The following TTC27 variants were observed in gnomAD, a reference collection of about 807,000 sequenced individuals.
The protein encoded by TTC27 is tetratricopeptide repeat protein 27.
TTC27 carries 79 observed loss-of-function variants against 115.9 expected under a neutral mutation model. That is an observed-to-expected ratio of 0.68 (90% CI 0.57 to 0.82). TTC27 has a LOEUF of 0.82. Among genes scored for constraint, TTC27 ranks in the 40% least tolerant of loss-of-function variants. The pLI, the probability that TTC27 is intolerant of heterozygous loss-of-function variation, is 0.00. For missense variants in TTC27, 1,054 were observed against 993.1 expected, an observed-to-expected ratio of 1.06 and a Z score of -0.82; for synonymous variants, 401 against 356.0, an observed-to-expected ratio of 1.13 and a Z score of -1.42.
At chr2:32,767,456 T>TG (rs1011359272) in intron 13 of TTC27, among the ~76,000 whole-genome samples, 1 of 139,800 alleles carries the variant, frequency 7.2e-6, no homozygotes, top group Non-Finnish European at 1.6e-5. Context: ...TTTTTTTGTT[T>TG]TTTTTTTTTT....
intron 10 of TTC27, among the ~76,000 whole-genome samples, chr2:32,713,461 T>C (rs1307828865): frequency 6.6e-6 from 1 of 152,240 alleles, no homozygotes; most frequent in Non-Finnish European, 1.5e-5. Context: ...GATTGTTTTA[T>C]GTTTATTACT....
At chr2:32,675,595 A>G (rs1340940694) in intron 8 of TTC27, among the ~76,000 whole-genome samples, 1 of 152,104 alleles carries the variant, frequency 6.6e-6, no homozygotes, top group African/African-American at 2.4e-5. Context: ...CAGTTTATAA[A>G]CCTGTGGTTA....
At chr2:32,670,119 C>A (rs116073612) in intron 7 of TTC27, among the ~76,000 whole-genome samples, 10,128 of 151,688 alleles carry the variant, frequency 0.067, 386 homozygotes, top group East Asian at 0.12. Context: ...GTCGGGTGAT[C>A]CGCCCGCCTC....
At chr2:32,710,621 G>A (rs1161687216) in intron 10 of TTC27, among the ~76,000 whole-genome samples, 1 of 151,354 alleles carries the variant, frequency 6.6e-6, no homozygotes, top group Non-Finnish European at 1.5e-5. Flanking sequence ...GTAGAGACGG[G>A]TGTCACCATG....
In TTC27 at chr2:32,787,334, ATTTG is replaced by A. The variant is rs564250995; in HGVS notation, c.1998+191_1998+194del. On this transcript the variant is annotated intron_variant, in intron 16 of 19. Coordinates refer to ENST00000317907, the MANE Select transcript of TTC27 (RefSeq NM_017735.5). Reference sequence around the variant, plus strand: ...TAGAATTCTGCTATTCTAATGTCAAATTTGTTTGTACAGTCATAAACTGAATATT... The same window carrying A: ...TAGAATTCTGCTATTCTAATGTCAAATTTGTACAGTCATAAACTGAATATT... 2.0e-4 allele frequency among the ~76,000 whole-genome samples: 30 copies of A among 152,312 alleles called. No homozygotes were observed. The East Asian group carries it at 4.4e-3, about 23-fold the overall frequency.
chr2:32,630,301 T>G (rs1277180862), intron 1 of TTC27, among the ~76,000 whole-genome samples: 1 of 152,190 alleles, frequency 6.6e-6, no homozygotes, highest in African/African-American at 2.4e-5. Flanking sequence ...ACTTCCACTT[T>G]GGGGCTCATA....
intron 5 of TTC27, among the ~76,000 whole-genome samples, chr2:32,654,047 C>T (rs1665230993): frequency 6.6e-6 from 1 of 152,176 alleles, no homozygotes; most frequent in Non-Finnish European, 1.5e-5. Flanking sequence ...TCCATATCTA[C>T]AGCTTTTATC....
chr2:32,723,782 C>CCTT (rs1668018915), intron 10 of TTC27, among the ~76,000 whole-genome samples: 1 of 131,788 alleles, frequency 7.6e-6, no homozygotes, highest in Non-Finnish European at 1.6e-5. Flanking sequence ...TTCCTTCTCT[C>CCTT]CCTCCCTCTG....
chr2:32,758,244 T>A (rs371405726), intron 12 of TTC27, 48 bp from the exon 13 acceptor site: 7 of 1,486,660 alleles, frequency 4.7e-6, no homozygotes, highest in Non-Finnish European at 6.5e-6. Flanking sequence ...AAAAAAAAAA[T>A]AGCAGTTAAT....
chr2:32,723,711 C>CTT (rs1668004064), intron 10 of TTC27, among the ~76,000 whole-genome samples: 1 of 75,386 alleles, frequency 1.3e-5, no homozygotes, highest in Non-Finnish European at 2.6e-5. Context: ...TCCCTCCCTC[C>CTT]CTCCCTCCCT....
chr2:32,681,649 C>CTTTT (rs5830239), intron 9 of TTC27, among the ~76,000 whole-genome samples: 2 of 140,686 alleles, frequency 1.4e-5, no homozygotes, highest in Non-Finnish European at 1.5e-5. Context: ...AGATATTCAG[C>CTTTT]TTTTTTTTTT....
intron 10 of TTC27, among the ~76,000 whole-genome samples, chr2:32,716,092 C>T (rs1347775414): frequency 6.6e-6 from 1 of 152,110 alleles, no homozygotes; most frequent in Non-Finnish European, 1.5e-5. Flanking sequence ...ACAGTTTTTA[C>T]CTTCTAAACC....
chr2:32,642,229 T>G (rs1385566044), intron 4 of TTC27, among the ~76,000 whole-genome samples: 23 of 151,006 alleles, frequency 1.5e-4, no homozygotes, highest in South Asian at 2.1e-4. Context: ...TTCCTAAGCA[T>G]TTAAGTTTAT....
intron 12 of TTC27, among the ~76,000 whole-genome samples, chr2:32,754,779 TCC>T (rs1308778619): frequency 8.1e-6 from 1 of 123,820 alleles, no homozygotes; most frequent in South Asian, 3.0e-4. Flanking sequence ...GGGGCTGACC[TCC>T]CCCACCTCCC....
At chr2:32,667,293 T>C (rs1665816839) in intron 7 of TTC27, among the ~76,000 whole-genome samples, 2 of 152,146 alleles carry the variant, frequency 1.3e-5, no homozygotes, top group Admixed American at 1.3e-4. Flanking sequence ...TAGTGAATTC[T>C]CTTCTTTAGT....
rs191131402 is a variant in TTC27, at chr2:32,763,275, G to C, written c.1680+4756G>C. 1.4e-4 allele frequency among the ~76,000 whole-genome samples: 22 copies of C among 152,296 alleles called. No homozygotes were observed. The South Asian group carries it at 4.6e-3, about 32-fold the overall frequency. ...TGAACACTGTAGACTCATTTTAACT[G>C]TGAACCAAGTTTGAACTGTCTGGAG... On this transcript the variant is annotated intron_variant, in intron 13 of 19. Coordinates refer to ENST00000317907, the MANE Select transcript of TTC27 (RefSeq NM_017735.5).
At chr2:32,764,012 A>G (rs1158562275) in intron 13 of TTC27, among the ~76,000 whole-genome samples, 1 of 152,232 alleles carries the variant, frequency 6.6e-6, no homozygotes, top group East Asian at 1.9e-4. Flanking sequence ...GCAAAAATGT[A>G]AAAACCAAAG....
chr2:32,664,646 C>T (rs1371037959), intron 6 of TTC27, among the ~76,000 whole-genome samples, 179 bp downstream of exon 6: 1 of 151,992 alleles, frequency 6.6e-6, no homozygotes, highest in Non-Finnish European at 1.5e-5. Context: ...GATATATTTT[C>T]CTTATTTCTA....
chr2:32,654,374 T>C (rs1049398681), intron 5 of TTC27, among the ~76,000 whole-genome samples: 3 of 152,210 alleles, frequency 2.0e-5, no homozygotes, highest in African/African-American at 4.8e-5. Flanking sequence ...GGTATAGTAG[T>C]GGATATAGTG....
Sources: allele counts gnomAD v4.1 joint callset (sites outside exome capture counted in the v4.1 genomes callset), GRCh38; gene constraint gnomAD v4.1.1; transcripts MANE v1.5; gene names NCBI Gene and HGNC (gene_info 2026-07-23, HGNC 2026-07-21).